LDLRAD4: variants seen among roughly 807,000 people sequenced by gnomAD.
LDLRAD4 encodes low-density lipoprotein receptor class A domain-containing protein 4.
LDLRAD4 carries 5 observed loss-of-function variants against 17.0 expected under a neutral mutation model. The ratio of observed to expected loss-of-function variants is 0.29; its 90% CI spans 0.15 to 0.62. The LOEUF (loss-of-function observed/expected upper bound fraction) is 0.62. Among genes scored for constraint, LDLRAD4 ranks in the 20% least tolerant of loss-of-function variants. LDLRAD4 has a pLI of 0.84. For synonymous variants in LDLRAD4, 168 were observed against 171.8 expected (o/e 0.98, Z 0.17); for missense variants, 340 against 424.7 (o/e 0.80, Z 1.75).
chr18:13,423,019 C>T (rs1444560389), intron 2 of LDLRAD4, among the ~76,000 whole-genome samples: 1 of 152,208 alleles, frequency 6.6e-6, no homozygotes, highest in Non-Finnish European at 1.5e-5. Flanking sequence ...AGGCTGGGCA[C>T]AACTTAGCCT....
intron 3 of LDLRAD4, among the ~76,000 whole-genome samples, chr18:13,582,294 A>G (rs761640905): frequency 2.0e-5 from 3 of 152,256 alleles, no homozygotes; most frequent in Non-Finnish European, 4.4e-5. Context: ...TGAAGGAGAA[A>G]GATGAATGTG....
intron 3 of LDLRAD4, among the ~76,000 whole-genome samples, chr18:13,507,761 C>G (rs968793382): frequency 6.6e-6 from 1 of 152,212 alleles, no homozygotes; most frequent in African/African-American, 2.4e-5. Flanking sequence ...CGTCACTTCT[C>G]TTCCTTTCCT....
chr18:13,642,730 T>C (rs2042688733), intron 4 of LDLRAD4: 1 of 1,231,472 alleles, frequency 8.1e-7, no homozygotes, highest in Non-Finnish European at 1.0e-6. Flanking sequence ...GGTTGGACAG[T>C]CATCTTGAAT....
rs539789853 is a variant in LDLRAD4 at position 13,640,014 on chromosome 18, C to T, written c.337-3345C>T. Among the ~76,000 whole-genome samples the T allele has an allele frequency of 8.6e-4, 131 of 152,206 alleles. No individual in the cohort carries two copies. In the South Asian group the frequency reaches 0.013, roughly 15 times the overall value. On this transcript the variant is annotated intron_variant, in intron 4 of 5. Coordinates refer to ENST00000359446, the Ensembl canonical transcript of LDLRAD4. ...CTTAAAGAAAGAAACTGGCAAGGTG[C>T]GGTGGCTCACGCCTGTAATCCCAGC...
intron 1 of LDLRAD4, among the ~76,000 whole-genome samples, chr18:13,340,905 T>C (rs1027991340): frequency 9.9e-5 from 15 of 152,190 alleles, no homozygotes; most frequent in Non-Finnish European, 1.9e-4. Flanking sequence ...TTAATTTTTA[T>C]GTATGGTGTA....
chr18:13,347,077 G>C (rs1272176520), intron 1 of LDLRAD4, among the ~76,000 whole-genome samples: 1 of 152,122 alleles, frequency 6.6e-6, no homozygotes, highest in Non-Finnish European at 1.5e-5. Flanking sequence ...TTACATTTAA[G>C]GTTAATATTG....
chr18:13,364,764 G>A (rs755734871), intron 1 of LDLRAD4, among the ~76,000 whole-genome samples: 8 of 152,204 alleles, frequency 5.3e-5, no homozygotes, highest in Non-Finnish European at 1.2e-4. Flanking sequence ...GCGATGCTGT[G>A]AGTGGTATTA....
chr18:13,566,774 A>C (rs72882502), intron 3 of LDLRAD4, among the ~76,000 whole-genome samples: 27,255 of 152,222 alleles, frequency 0.18, 2,660 homozygotes, highest in East Asian at 0.34. Flanking sequence ...GGTTCTCCCC[A>C]CAGTCCCCCA....
chr18:13,605,113 C>T lies in LDLRAD4; in HGVS notation c.182-16004C>T, dbSNP rs182477577. Among the ~76,000 whole-genome samples, 24 of 152,284 alleles carry T rather than the reference C, an allele frequency of 1.6e-4. No homozygotes were observed. The East Asian group carries it at 2.7e-3, about 17-fold the overall frequency. ...TCCTGGCACTTGAGTTTGTCCAGAG[C>T]GCAGAATTAGAGTGTTCTCTTAACA... is the stretch of plus-strand genomic sequence containing the variant. On this transcript the variant is annotated intron_variant, in intron 3 of 5. Transcript: ENST00000359446.
intron 3 of LDLRAD4, among the ~76,000 whole-genome samples, chr18:13,478,223 T>C (rs987206690): frequency 2.6e-5 from 4 of 152,246 alleles, no homozygotes; most frequent in African/African-American, 9.6e-5. Context: ...TTGGACATGC[T>C]GACTCTTGGA....
At chr18:13,249,275 A>T (rs2043117210) in intron 1 of LDLRAD4, among the ~76,000 whole-genome samples, 1 of 152,176 alleles carries the variant, frequency 6.6e-6, no homozygotes, top group Admixed American at 6.5e-5. Context: ...GAGTAGCAGG[A>T]CTGCTGGATC....
intron 4 of LDLRAD4, among the ~76,000 whole-genome samples, chr18:13,636,836 C>T (rs1182121279): frequency 1.3e-5 from 2 of 151,202 alleles, no homozygotes; most frequent in South Asian, 2.1e-4. Flanking sequence ...TCGCTCTTGT[C>T]GCCCAGGCTG....
intron 3 of LDLRAD4, chr18:13,489,578 C>T (rs1348707023): frequency 1.3e-5 from 2 of 152,310 alleles, no homozygotes; most frequent in Admixed American, 6.5e-5. Context: ...AAATCCAGCT[C>T]TGCACTGGGT....
intron 3 of LDLRAD4, among the ~76,000 whole-genome samples, chr18:13,573,975 A>AT (rs2094730060): frequency 6.6e-6 from 1 of 152,158 alleles, no homozygotes; most frequent in South Asian, 2.1e-4. Context: ...CCAGGCTGGT[A>AT]TCTCTCACCA....
intron 3 of LDLRAD4, among the ~76,000 whole-genome samples, chr18:13,604,663 T>C (rs918625458): frequency 1.3e-5 from 2 of 152,172 alleles, no homozygotes; most frequent in East Asian, 1.9e-4. Context: ...AAAGTGAAAA[T>C]TGTGATATAT....
At chr18:13,500,662 C>T (rs921851122) in intron 3 of LDLRAD4, 5 of 152,180 alleles carry the variant, frequency 3.3e-5, no homozygotes, top group Admixed American at 2.6e-4. Context: ...AGGCTGATGT[C>T]AGAGCCTCGT....
rs996522626 is a variant in LDLRAD4 at position 13,346,380 on chromosome 18, A to T, written c.-382-40961A>T. On this transcript the variant is annotated intron_variant, in intron 1 of 5. Transcript: ENST00000359446. Reference sequence around the variant, plus strand: ...AGGTTGTTCAGTTTCCATGTAGTTGAGTGGTTTTGAGTGAGTTTCTTAATC... The same window carrying T: ...AGGTTGTTCAGTTTCCATGTAGTTGTGTGGTTTTGAGTGAGTTTCTTAATC... 1.5e-4 allele frequency among the ~76,000 whole-genome samples: 23 copies of T among 151,852 alleles called. 1 individual carries two copies. Among genetic ancestry groups the T allele is most frequent in the African/African-American group, 5.3e-4 (22 of 41,306 alleles).
At chr18:13,382,298 GATATA>G (rs1022489865) in intron 1 of LDLRAD4, among the ~76,000 whole-genome samples, 13 of 152,168 alleles carry the variant, frequency 8.5e-5, no homozygotes, top group African/African-American at 3.1e-4. Context: ...TTTAATGAAA[GATATA>G]ATACGGACAC....
chr18:13,523,100 G>C (rs918615559), intron 3 of LDLRAD4, among the ~76,000 whole-genome samples: 6 of 152,262 alleles, frequency 3.9e-5, no homozygotes, highest in Admixed American at 1.3e-4. Context: ...CACTGTGTGC[G>C]AGGCAGACTC....
Sources: allele counts gnomAD v4.1 joint callset (sites outside exome capture counted in the v4.1 genomes callset), GRCh38; gene constraint gnomAD v4.1.1; transcripts MANE v1.5; gene names NCBI Gene and HGNC (gene_info 2026-07-23, HGNC 2026-07-21).